Variants in IKZF1 observed in about 807,000 individuals in gnomAD.
The protein encoded by IKZF1 is DNA-binding protein Ikaros.
In IKZF1, 10 loss-of-function variants were observed where a neutral mutation model predicts 51.7. The ratio of observed to expected loss-of-function variants is 0.19; its 90% confidence interval spans 0.12 to 0.33. The LOEUF (loss-of-function observed/expected upper bound fraction) is 0.33, where lower values mean the gene tolerates loss of function less well. Among genes scored for constraint, IKZF1 ranks in the 10% least tolerant of loss-of-function variants. IKZF1 has a pLI of 1.00. For synonymous variants in IKZF1, 280 were observed against 282.3 expected (o/e 0.99, Z 0.08); for missense variants, 484 against 707.5 (o/e 0.68, Z 3.58).
intron 3 of IKZF1, chr7:50,369,574 T>C (rs1432977255): frequency 1.0e-5 from 4 of 398,528 alleles, no homozygotes; most frequent in Non-Finnish European, 1.8e-5. Context: ...TCTTGATGCC[T>C]TCCCCCGCAA....
chr7:50,358,863 T>TC (rs1804344776), intron 3 of IKZF1, among the ~76,000 whole-genome samples: 1 of 151,778 alleles, frequency 6.6e-6, no homozygotes, highest in Non-Finnish European at 1.5e-5. Flanking sequence ...GGAGTTTTTT[T>TC]TCCCTGGTTA....
chr7:50,322,417 G>A (rs1189443211), intron 2 of IKZF1, among the ~76,000 whole-genome samples: 3 of 151,974 alleles, frequency 2.0e-5, no homozygotes, highest in African/African-American at 7.3e-5. Flanking sequence ...CAAAGCACTG[G>A]GTTATTTGTT....
At chr7:50,321,306 A>C (rs1242993973) in intron 2 of IKZF1, among the ~76,000 whole-genome samples, 1 of 152,206 alleles carries the variant, frequency 6.6e-6, no homozygotes, top group African/African-American at 2.4e-5. Flanking sequence ...AACGAGTTAA[A>C]TGGGAAAAAA....
chr7:50,315,385 C>T (rs1791279996), intron 1 of IKZF1, among the ~76,000 whole-genome samples: 1 of 152,100 alleles, frequency 6.6e-6, no homozygotes, highest in African/African-American at 2.4e-5. Flanking sequence ...GTGGAGGGTG[C>T]CTGGTGGCTT....
intron 7 of IKZF1, among the ~76,000 whole-genome samples, chr7:50,398,604 AC>A (rs1817320411): frequency 6.6e-6 from 1 of 152,164 alleles, no homozygotes; most frequent in African/African-American, 2.4e-5. Flanking sequence ...CCATGCAATC[AC>A]ACATAAACTT....
At chr7:50,318,623 G>A (rs945968044) in intron 1 of IKZF1, 7 of 216,560 alleles carry the variant, frequency 3.2e-5, no homozygotes, top group South Asian at 1.8e-4. Flanking sequence ...GATTGTACGC[G>A]TGTCACCAAG....
intron 3 of IKZF1, among the ~76,000 whole-genome samples, chr7:50,358,070 A>G (rs1804018588): frequency 6.6e-6 from 1 of 151,472 alleles, no homozygotes; most frequent in African/African-American, 2.4e-5. Flanking sequence ...GAACCAGGTA[A>G]ATGACTTGAC....
At chr7:50,325,450 T>A (rs1010012195) in intron 2 of IKZF1, among the ~76,000 whole-genome samples, 1 of 152,122 alleles carries the variant, frequency 6.6e-6, no homozygotes, top group African/African-American at 2.4e-5. Flanking sequence ...GTGAAAACGC[T>A]AAGATATTTA....
At chr7:50,336,430 G>T (rs1797799808) in intron 3 of IKZF1, among the ~76,000 whole-genome samples, 1 of 152,164 alleles carries the variant, frequency 6.6e-6, no homozygotes, top group Non-Finnish European at 1.5e-5. Context: ...AGGCTCAGAG[G>T]CACAGGAGGC....
At chr7:50,361,397 G>A (rs1003782479) in intron 3 of IKZF1, among the ~76,000 whole-genome samples, 3 of 152,254 alleles carry the variant, frequency 2.0e-5, no homozygotes, top group Middle Eastern at 3.4e-3. Context: ...AAGCAAGAAG[G>A]TTACAACACT....
At chr7:50,371,552 G>T (rs1244478721) in intron 3 of IKZF1, among the ~76,000 whole-genome samples, 1 of 152,252 alleles carries the variant, frequency 6.6e-6, no homozygotes, top group African/African-American at 2.4e-5. Flanking sequence ...CCTGCCATCA[G>T]GGTTCCCATC....
At chr7:50,335,672 G>T (rs1797587207) in intron 3 of IKZF1, among the ~76,000 whole-genome samples, 1 of 150,610 alleles carries the variant, frequency 6.6e-6, no homozygotes, top group African/African-American at 2.4e-5. Flanking sequence ...GTGTGTATGG[G>T]AAGCGTGGTA....
intron 3 of IKZF1, among the ~76,000 whole-genome samples, chr7:50,365,447 G>T (rs768983501): frequency 2.6e-5 from 4 of 152,170 alleles, no homozygotes; most frequent in Non-Finnish European, 5.9e-5. Context: ...CTAGGCAAAG[G>T]ACTGATTCTT....
At chr7:50,360,991 A>G (rs1328941557) in intron 3 of IKZF1, among the ~76,000 whole-genome samples, 1 of 152,260 alleles carries the variant, frequency 6.6e-6, no homozygotes, top group East Asian at 1.9e-4. Flanking sequence ...CCAGTGATCC[A>G]GCACAAATCT....
intron 3 of IKZF1, among the ~76,000 whole-genome samples, chr7:50,372,311 C>T (rs116585925): frequency 0.013 from 1,993 of 152,302 alleles, 49 homozygotes; most frequent in African/African-American, 0.046. Flanking sequence ...TTGAATCTTA[C>T]GCGCCCCGTG....
intron 1 of IKZF1, among the ~76,000 whole-genome samples, chr7:50,309,910 C>A (rs1414224754): frequency 6.6e-6 from 1 of 152,138 alleles, no homozygotes; most frequent in African/African-American, 2.4e-5. Flanking sequence ...TGTTCCAGTG[C>A]TTTTAATGGA....
chr7:50,363,830 G>T (rs1379181055), intron 3 of IKZF1, among the ~76,000 whole-genome samples: 2 of 152,094 alleles, frequency 1.3e-5, no homozygotes, highest in East Asian at 3.9e-4. Flanking sequence ...GGAGTATTTG[G>T]TCCTCCCATC....
chr7:50,382,835 G>A (rs967129913), intron 5 of IKZF1, 128 bp downstream of exon 5: 137 of 1,189,900 alleles, frequency 1.2e-4, no homozygotes, highest in Non-Finnish European at 7.7e-5. Flanking sequence ...GTCCTGCATC[G>A]GGTGTGAGCT....
chr7:50,313,368 T>C (rs1790660632), intron 1 of IKZF1, among the ~76,000 whole-genome samples: 3 of 152,362 alleles, frequency 2.0e-5, no homozygotes, highest in South Asian at 4.1e-4. Context: ...GTAACTCTAG[T>C]GTAGCTTCAC....
Sources: gnomAD v4.1 joint callset for allele counts (sites outside exome capture counted in the v4.1 genomes callset) on GRCh38, gnomAD v4.1.1 for gene constraint, MANE v1.5 for transcripts, NCBI Gene and HGNC (gene_info 2026-07-23, HGNC 2026-07-21) for gene names.